ABLIM2: variants seen among roughly 807,000 people sequenced by gnomAD.
ABLIM2 encodes the protein actin binding LIM protein family member 2, also known as actin-binding LIM protein 2.
In ABLIM2, 53 loss-of-function variants were observed where a neutral mutation model predicts 97.7. The observed-to-expected ratio is 0.54, with a 90% CI of 0.44 to 0.68. The LOEUF is 0.68. Ranked by LOEUF, ABLIM2 falls within the 30% of genes least tolerant of loss-of-function variation. The probability of loss-of-function intolerance (pLI) is 0.00; values close to 1 mark genes in which losing one functional copy is unlikely to be tolerated. For synonymous variants in ABLIM2, 361 were observed against 345.8 expected (o/e 1.04, Z -0.49); for missense variants, 835 against 867.2 (o/e 0.96, Z 0.47).
chr4:8,123,776 C>A lies in ABLIM2; in HGVS notation c.11-17139G>T, dbSNP rs576622476. On this transcript the variant is annotated intron_variant, in intron 1 of 20. Transcript: ENST00000447017. This position sits in a 1 kb window ranked among gnomAD's most constrained non-coding sequence, Gnocchi z 6.2. The stretch of plus-strand genomic sequence containing the variant: ...AGGGGTGTGCCGGCATTGGGTCACA[C>A]AGCCCAACTGGGGTGACAAGGTCCT... Among the ~76,000 whole-genome samples, 60 of 152,280 alleles carry A rather than the reference C, an allele frequency of 3.9e-4. No homozygotes were observed. Among genetic ancestry groups the A allele is most frequent in the African/African-American group, 1.4e-3 (59 of 41,564 alleles).
chr4:8,133,632 C>CCCGCTCT (rs1442319651), intron 1 of ABLIM2, among the ~76,000 whole-genome samples: 2 of 152,192 alleles, frequency 1.3e-5, no homozygotes, highest in East Asian at 1.9e-4. Context: ...CTCCCCGGGT[C>CCCGCTCT]CCGCTCTCCT....
Position 8,072,234 on chromosome 4 carries a change from C to T in ABLIM2, c.675+5394G>A, listed in dbSNP as rs1812719236. Reference sequence around the variant, plus strand: ...GGTTCCTTCCCGATGAACCAGGGCGCACCCCAAATTCTGTATTTGGCATTA... The same window carrying T: ...GGTTCCTTCCCGATGAACCAGGGCGTACCCCAAATTCTGTATTTGGCATTA... On this transcript the variant is annotated intron_variant, in intron 6 of 20. Coordinates refer to ENST00000447017, the MANE Select transcript of ABLIM2 (RefSeq NM_001130083.2). This position sits in a 1 kb window ranked among gnomAD's most constrained non-coding sequence, Gnocchi z 5.8. 6.6e-6 allele frequency among the ~76,000 whole-genome samples: 1 copy of T among 152,230 alleles called. No homozygotes were observed. The highest frequency in any genetic ancestry group is 1.5e-5 in the Non-Finnish European group (1 of 68,044).
At position 8,072,951 on chromosome 4, in the gene ABLIM2, G is replaced by C. The variant is rs758404518; in HGVS notation, c.675+4677C>G. ...ACAAAGCCCCCGGATCTGCAGAAGAGCAGGGAGAGTACAGGTGGAGGAGCA... is the reference window on the plus strand; with the variant it reads ...ACAAAGCCCCCGGATCTGCAGAAGACCAGGGAGAGTACAGGTGGAGGAGCA... On this transcript the variant is annotated intron_variant, in intron 6 of 20. Transcript: ENST00000447017. This position sits in a 1 kb window ranked among gnomAD's most constrained non-coding sequence, Gnocchi z 5.8. 3.3e-5 allele frequency among the ~76,000 whole-genome samples: 5 copies of C among 152,178 alleles called. No homozygotes were observed. Among genetic ancestry groups the C allele is most frequent in the Non-Finnish European group, 5.9e-5 (4 of 68,028 alleles).
At position 8,003,326 on chromosome 4, in the gene ABLIM2, G is replaced by C. The variant is rs1475491480; in HGVS notation, c.1618+4733C>G. Reference sequence around the variant, plus strand: ...AGCACACAGCCTGGTGCATCATAGAGGGCTGGCCGTCTCATGTCATTCGCT... The same window carrying C: ...AGCACACAGCCTGGTGCATCATAGACGGCTGGCCGTCTCATGTCATTCGCT... On this transcript the variant is annotated intron_variant, in intron 16 of 20. Transcript: ENST00000447017. The surrounding 1 kb of genome is among the most constrained non-coding windows in gnomAD (Gnocchi z 4.2). 2.0e-5 allele frequency among the ~76,000 whole-genome samples: 3 copies of C among 152,194 alleles called. No homozygotes were observed. The highest frequency in any genetic ancestry group is 7.2e-5 in the African/African-American group (3 of 41,452).
chr4:8,011,858 T>G (rs1342551423), intron 14 of ABLIM2, among the ~76,000 whole-genome samples: 1 of 152,188 alleles, frequency 6.6e-6, no homozygotes, highest in East Asian at 1.9e-4. Context: ...GTCTCAAATT[T>G]TTTTTTCTGG....
Position 7,966,232 on chromosome 4 carries a change from C to A in ABLIM2, c.*758G>T, listed in dbSNP as rs1240274876. On this transcript the variant is annotated 3_prime_UTR_variant, in exon 21 of 21. Coordinates refer to ENST00000447017, the MANE Select transcript of ABLIM2 (RefSeq NM_001130083.2). ...AGCGGTGGAGAATAAGGCTGGAGGC[C>A]GCTCCCCTGCGGAGGGACCGTAAAA... The A allele has an allele frequency of 4.6e-5, 7 of 152,614 alleles. No homozygotes were observed. The highest frequency in any genetic ancestry group is 2.6e-4 in the Admixed American group (4 of 15,284). 9.5% of individuals were successfully genotyped at this position (152,614 alleles called of 1,614,324 possible).
chr4:8,003,471 T>G lies in ABLIM2; in HGVS notation c.1618+4588A>C, dbSNP rs1758667209. On this transcript the variant is annotated intron_variant, in intron 16 of 20. Transcript: ENST00000447017. The surrounding 1 kb of genome is among the most constrained non-coding windows in gnomAD (Gnocchi z 4.2). Reference sequence around the variant, plus strand: ...TTCACGCCAGCGGAAAGTCACACGGTCCCATGTCAGAAGTTGGGGACTGCC... The same window carrying G: ...TTCACGCCAGCGGAAAGTCACACGGGCCCATGTCAGAAGTTGGGGACTGCC... Among the ~76,000 whole-genome samples the G allele has an allele frequency of 6.6e-6, 1 of 151,718 alleles. No individual in the cohort carries two copies.
chr4:8,035,075 G>A (rs963306814), intron 10 of ABLIM2, among the ~76,000 whole-genome samples: 1 of 77,018 alleles, frequency 1.3e-5, no homozygotes, highest in African/African-American at 4.2e-5. Flanking sequence ...CAGGTGAGTG[G>A]GTGGCAGGTA....
At chr4:8,063,840 T>G (rs1458259146) in intron 6 of ABLIM2, among the ~76,000 whole-genome samples, 2 of 152,244 alleles carry the variant, frequency 1.3e-5, no homozygotes, top group Non-Finnish European at 2.9e-5. Flanking sequence ...GCCTTTGCTG[T>G]GCCCCAACTT....
chr4:8,042,399 T>C (rs1579546672), intron 9 of ABLIM2, among the ~76,000 whole-genome samples: 3 of 152,140 alleles, frequency 2.0e-5, no homozygotes, highest in African/African-American at 7.2e-5. Flanking sequence ...CTGTGCCCTA[T>C]ACCTGGAGGA....
chr4:8,071,508 A>G lies in ABLIM2; in HGVS notation c.675+6120T>C, dbSNP rs976637106. On this transcript the variant is annotated intron_variant, in intron 6 of 20. Coordinates refer to ENST00000447017, the MANE Select transcript of ABLIM2 (RefSeq NM_001130083.2). This position sits in a 1 kb window ranked among gnomAD's most constrained non-coding sequence, Gnocchi z 6.2. ...TGCGGGCGCCAGCACTTAGGATGGC[A>G]CCATGCCCACCACACGCAGACACAG... is the stretch of plus-strand genomic sequence containing the variant. 1.3e-5 allele frequency among the ~76,000 whole-genome samples: 2 copies of G among 152,188 alleles called. No individual in the cohort carries two copies. Among genetic ancestry groups the G allele is most frequent in the African/African-American group, 2.4e-5 (1 of 41,464 alleles).
At chr4:8,006,379 G>A (rs1288644816) in intron 16 of ABLIM2, among the ~76,000 whole-genome samples, 1 of 152,204 alleles carries the variant, frequency 6.6e-6, no homozygotes, top group Admixed American at 6.5e-5. Flanking sequence ...AGGTCATCAA[G>A]TGGGGGAGGT....
intron 5 of ABLIM2, among the ~76,000 whole-genome samples, chr4:8,078,056 T>C (rs1817409089): frequency 6.6e-6 from 1 of 152,120 alleles, no homozygotes; most frequent in East Asian, 1.9e-4. Context: ...GCTCCTTCCA[T>C]CCAAAGTTCA....
At chr4:8,098,349 G>A (rs1473861459) in intron 2 of ABLIM2, among the ~76,000 whole-genome samples, 1 of 152,218 alleles carries the variant, frequency 6.6e-6, no homozygotes, top group Non-Finnish European at 1.5e-5. Context: ...TCATCACAAT[G>A]TTAATTGCTT....
Position 8,022,268 on chromosome 4 carries a change from C to T in ABLIM2, c.1268-1965G>A, listed in dbSNP as rs1774251162. 6.6e-6 allele frequency among the ~76,000 whole-genome samples: 1 copy of T among 152,186 alleles called. No individual in the cohort carries two copies. The highest frequency in any genetic ancestry group is 2.4e-5 in the African/African-American group (1 of 41,442). On this transcript the variant is annotated intron_variant, in intron 12 of 20. Transcript: ENST00000447017. The surrounding 1 kb of genome is among the most constrained non-coding windows in gnomAD (Gnocchi z 7.8). The stretch of plus-strand genomic sequence containing the variant: ...TTCTTCCTATCTGGAATCATGGCCC[C>T]TGATCTGCCTCAGCCCCCACTCAGT...
At position 8,061,117 on chromosome 4, in the gene ABLIM2, C is replaced by T. The variant is rs578202273; in HGVS notation, c.676-63G>A. 1.1e-4 allele frequency: 150 copies of T among 1,416,366 alleles called. 1 individual carries two copies. The South Asian group carries it at 1.1e-3, about 11-fold the overall frequency. 87.7% of individuals were successfully genotyped at this position (1,416,366 alleles called of 1,614,324 possible). A position where few individuals can be genotyped will look rare whatever the true frequency, so the allele number is the denominator to read the frequency against. On this transcript the variant is annotated intron_variant, in intron 6 of 20. Transcript: ENST00000447017. The surrounding 1 kb of genome is among the most constrained non-coding windows in gnomAD (Gnocchi z 4.5). ...GCCAGAAAGGTCGGCTGGGTCCCAG[C>T]GCCCGGCATGGATACAGCATGCCCT...
chr4:7,983,442 T>C (rs1740596349), intron 19 of ABLIM2, 98 bp from the exon 20 acceptor site: 2 of 1,580,278 alleles, frequency 1.3e-6, no homozygotes, highest in Non-Finnish European at 1.7e-6. Flanking sequence ...TACTTGCGTC[T>C]GCACCTGACA....
Position 7,966,115 on chromosome 4 carries a change from G to A in ABLIM2, c.*875C>T, listed in dbSNP as rs1417573626. 2 of 152,246 alleles carry A rather than the reference G, an allele frequency of 1.3e-5. No homozygotes were observed. The highest frequency in any genetic ancestry group is 2.4e-5 in the African/African-American group (1 of 41,556). 9.4% of individuals were successfully genotyped at this position (152,246 alleles called of 1,614,324 possible). A position where few individuals can be genotyped will look rare whatever the true frequency, so the allele number is the denominator to read the frequency against. On this transcript the variant is annotated 3_prime_UTR_variant, in exon 21 of 21. Transcript: ENST00000447017. ...CTGTCTTTAAGGTTACCTGTGTGAC[G>A]AGAAAAAGAAAAAAGAAAAAGAAAA...
intron 6 of ABLIM2, among the ~76,000 whole-genome samples, chr4:8,063,278 G>T (rs971460652): frequency 1.3e-5 from 2 of 152,214 alleles, no homozygotes; most frequent in African/African-American, 2.4e-5. Flanking sequence ...TGTTGGCCAG[G>T]ATGGTCTCAA....
Sources: gnomAD v4.1 joint callset for allele counts (sites outside exome capture counted in the v4.1 genomes callset) on GRCh38, gnomAD v4.1.1 for gene constraint, Gnocchi (gnomAD v3.1) non-coding constraint, MANE v1.5 for transcripts, NCBI Gene and HGNC (gene_info 2026-07-23, HGNC 2026-07-21) for gene names.